The following PCDHAC1 variants were observed in gnomAD, a reference collection of about 807,000 sequenced individuals.
The protein encoded by PCDHAC1 is protocadherin alpha subfamily C, 1, also known as protocadherin alpha-C1.
A neutral mutation model predicts 60.0 loss-of-function variants in PCDHAC1; 42 were observed. The ratio of observed to expected loss-of-function variants is 0.70; its 90% CI spans 0.55 to 0.90. The LOEUF (loss-of-function observed/expected upper bound fraction) is 0.90, where lower values mean the gene tolerates loss of function less well. Ranked by LOEUF, PCDHAC1 falls within the 40% of genes least tolerant of loss-of-function variation. PCDHAC1 has a pLI of 0.00. For synonymous variants in PCDHAC1, 468 were observed against 499.3 expected (o/e 0.94, Z 0.84); for missense variants, 1,160 against 1,222.3 (o/e 0.95, Z 0.76).
In PCDHAC1 at chr5:140,927,075, C is replaced by T. The variant is rs1304732952; in HGVS notation, c.183C>T (p.His61=). Residue 61 remains histidine, a synonymous_variant, in exon 1 of 4, where the codon CAC becomes CAT. Transcript: ENST00000253807. ...SSRNFRFLSS[H]RELYFGVDLP... is the part of the protein sequence containing the mutation. ...GGAACTTTCGCTTCCTTTCCAGCCA[C>T]CGCGAGCTCTACTTCGGGGTGGATC... 2.5e-6 allele frequency: 4 copies of T among 1,611,188 alleles called. No homozygotes were observed. In the Admixed American group the frequency reaches 5.0e-5, roughly 20 times the overall value.
At chr5:140,985,712 A>G (rs1319708410) in intron 3 of PCDHAC1, among the ~76,000 whole-genome samples, 2 of 148,826 alleles carry the variant, frequency 1.3e-5, no homozygotes, top group Non-Finnish European at 3.0e-5. Context: ...TGTTTCTTAA[A>G]GTTATTTTTC....
At chr5:140,982,353 C>G (rs2096979519) in intron 2 of PCDHAC1, 122 bp from the exon 3 acceptor site, 1 of 1,509,284 alleles carries the variant, frequency 6.6e-7, no homozygotes, top group East Asian at 2.4e-5. Flanking sequence ...TCAGTTCAAG[C>G]ATGAGCAGAA....
At chr5:140,978,420 G>A (rs1489182751) in intron 1 of PCDHAC1, among the ~76,000 whole-genome samples, 3 of 152,220 alleles carry the variant, frequency 2.0e-5, no homozygotes, top group African/African-American at 7.2e-5. Flanking sequence ...AAAAGAGACT[G>A]TTATCAGTTG....
chr5:140,946,631 T>TATATATATATATATATATATATATACAC lies in PCDHAC1; in HGVS notation c.2433+17307_2433+17308insTATATATATATATATATATATATACACA, dbSNP rs57893927. 8.3e-4 allele frequency among the ~76,000 whole-genome samples: 109 copies of TATATATATATATATATATATATATACAC among 131,802 alleles called. 1 individual carries two copies. The highest frequency in any genetic ancestry group is 3.6e-3 in the African/African-American group (102 of 28,672). 86.5% of individuals were successfully genotyped at this position (131,802 alleles called of 152,430 possible). A position where few individuals can be genotyped will look rare whatever the true frequency, so the allele number is the denominator to read the frequency against. On this transcript the variant is annotated intron_variant, in intron 1 of 3. Transcript: ENST00000253807. ...TGTGAAATATATATATATATATATA[T>TATATATATATATATATATATATATACAC]ACAATGGAATACTCATCAGCCATTA...
At chr5:140,965,838 T>C (rs1486782697) in intron 1 of PCDHAC1, among the ~76,000 whole-genome samples, 5 of 152,204 alleles carry the variant, frequency 3.3e-5, no homozygotes, top group African/African-American at 1.2e-4. Flanking sequence ...ATATTGGTTA[T>C]TTGCCAAGGC....
intron 1 of PCDHAC1, among the ~76,000 whole-genome samples, chr5:140,951,450 C>A: frequency 6.6e-6 from 1 of 151,922 alleles, no homozygotes; most frequent in East Asian, 1.9e-4. Flanking sequence ...ATGATGCCGG[C>A]CATCTGCTTG....
chr5:141,000,417 A>ATTTT (rs1563652061), intron 3 of PCDHAC1, among the ~76,000 whole-genome samples: 4 of 77,746 alleles, frequency 5.1e-5, no homozygotes, highest in African/African-American at 1.1e-4. Flanking sequence ...ATATATATAT[A>ATTTT]TATATTTTTT....
chr5:141,000,005 C>T (rs2097888446), intron 3 of PCDHAC1, among the ~76,000 whole-genome samples: 1 of 152,024 alleles, frequency 6.6e-6, no homozygotes. Context: ...ATTAGATTGG[C>T]CTCCCCATTG....
chr5:140,968,594 A>G (rs1218717024), intron 1 of PCDHAC1: 3 of 1,614,176 alleles, frequency 1.9e-6, no homozygotes, highest in Non-Finnish European at 2.5e-6. Flanking sequence ...AGTCATAGCT[A>G]TGGACTCAGA....
chr5:140,941,874 A>C (rs1554214738), intron 1 of PCDHAC1, among the ~76,000 whole-genome samples: 1 of 152,222 alleles, frequency 6.6e-6, no homozygotes, highest in African/African-American at 2.4e-5. Context: ...GAGTTCTATC[A>C]CCAGTGACTA....
chr5:140,944,838 A>C (rs996510272), intron 1 of PCDHAC1, among the ~76,000 whole-genome samples: 13 of 152,212 alleles, frequency 8.5e-5, no homozygotes, highest in Non-Finnish European at 1.6e-4. Flanking sequence ...TTGTAAAATG[A>C]GATATTAGAA....
At chr5:140,937,238 C>T (rs1339814732) in intron 1 of PCDHAC1, among the ~76,000 whole-genome samples, 1 of 151,920 alleles carries the variant, frequency 6.6e-6, no homozygotes, top group Admixed American at 6.6e-5. Flanking sequence ...GGGGTTTCAC[C>T]GTGTTAGCCA....
intron 1 of PCDHAC1, among the ~76,000 whole-genome samples, chr5:140,954,107 C>G (rs1375819333): frequency 2.0e-5 from 3 of 152,182 alleles, no homozygotes; most frequent in Admixed American, 1.3e-4. Flanking sequence ...CTGCAAAGGA[C>G]AAGATCTTGT....
chr5:141,008,941 G>T, intron 3 of PCDHAC1, among the ~76,000 whole-genome samples: 1 of 152,140 alleles, frequency 6.6e-6, no homozygotes, highest in East Asian at 1.9e-4. Context: ...TCTTGTTTTG[G>T]ACAAAATAGA....
At chr5:140,941,718 T>G (rs910042752) in intron 1 of PCDHAC1, among the ~76,000 whole-genome samples, 1 of 152,204 alleles carries the variant, frequency 6.6e-6, no homozygotes, top group African/African-American at 2.4e-5. Context: ...CCACAATTTG[T>G]CCTAGCAGTT....
At chr5:140,941,381 A>G (rs2093056743) in intron 1 of PCDHAC1, among the ~76,000 whole-genome samples, 1 of 128,140 alleles carries the variant, frequency 7.8e-6, no homozygotes, top group Non-Finnish European at 1.6e-5. Context: ...TAGTGACAGG[A>G]TTTTGGCTCA....
At chr5:140,993,407 C>T (rs2097554546) in intron 3 of PCDHAC1, among the ~76,000 whole-genome samples, 1 of 151,550 alleles carries the variant, frequency 6.6e-6, no homozygotes, top group African/African-American at 2.4e-5. Context: ...TAACCACCTT[C>T]ATCAGCATTT....
intron 3 of PCDHAC1, chr5:140,988,966 GGA>G (rs1339632887): frequency 2.0e-5 from 3 of 152,162 alleles, no homozygotes; most frequent in African/African-American, 7.2e-5. Flanking sequence ...GCCCCACGAT[GGA>G]GAGAAGCAGG....
At chr5:140,954,119 C>A (rs547590061) in intron 1 of PCDHAC1, among the ~76,000 whole-genome samples, 1 of 152,274 alleles carries the variant, frequency 6.6e-6, no homozygotes, top group African/African-American at 2.4e-5. Flanking sequence ...AGATCTTGTT[C>A]CTTTTTATGG....
Sources: allele counts gnomAD v4.1 joint callset (sites outside exome capture counted in the v4.1 genomes callset), GRCh38; gene constraint gnomAD v4.1.1; transcripts MANE v1.5; gene names NCBI Gene and HGNC (gene_info 2026-07-23, HGNC 2026-07-21).